Variants in EYS observed in about 807,000 individuals in gnomAD.
EYS encodes protein eyes shut homolog.
A neutral mutation model predicts 282.1 loss-of-function variants in EYS; 250 were observed. The observed-to-expected ratio is 0.89, with a 90% CI of 0.80 to 0.98. EYS has a LOEUF of 0.98. Among genes scored for constraint, EYS ranks in the 50% least tolerant of loss-of-function variants. The probability of loss-of-function intolerance (pLI) is 0.00; values close to 1 mark genes in which losing one functional copy is unlikely to be tolerated. For synonymous variants in EYS, 1,355 were observed against 1,282.9 expected (o/e 1.06, Z -1.20); for missense variants, 4,016 against 3,709.0 (o/e 1.08, Z -2.15).
chr6:65,024,812 G>C (rs889510361), intron 13 of EYS, among the ~76,000 whole-genome samples: 2 of 152,236 alleles, frequency 1.3e-5, no homozygotes, highest in Admixed American at 1.3e-4. Context: ...GCTTCAAAAT[G>C]ATTTTTTTAA....
chr6:65,541,413 TTAGA>T (rs1213791832), intron 2 of EYS, among the ~76,000 whole-genome samples: 2 of 152,206 alleles, frequency 1.3e-5, no homozygotes, highest in East Asian at 1.9e-4. Context: ...TTGTATTTTT[TTAGA>T]AGATTAATTG....
At chr6:64,352,508 C>T (rs760322762) in intron 29 of EYS, among the ~76,000 whole-genome samples, 2 of 151,492 alleles carry the variant, frequency 1.3e-5, no homozygotes, top group Non-Finnish European at 3.0e-5. Flanking sequence ...TCCCCACTAA[C>T]CTATGAAACC....
chr6:64,606,474 C>G (rs1766941616), intron 24 of EYS, among the ~76,000 whole-genome samples: 1 of 151,966 alleles, frequency 6.6e-6, no homozygotes. Context: ...TTACCCATTT[C>G]TCCCTTGGAG....
intron 40 of EYS, among the ~76,000 whole-genome samples, chr6:63,763,279 C>T (rs757736508): frequency 6.6e-6 from 1 of 152,002 alleles, no homozygotes; most frequent in Non-Finnish European, 1.5e-5. Context: ...GAAAGAGACA[C>T]CTTGTCTGGG....
At position 64,879,585 on chromosome 6, in the gene EYS, G is replaced by GAC. The variant is rs201766602; in HGVS notation, c.2992+7110_2992+7111dup. ...TGCGCTAAAAATATTAGGTAAGATA[G>GAC]ACAGTTTTGGGGAACTGAAATGAAA... On this transcript the variant is annotated intron_variant, in intron 19 of 42. Transcript: ENST00000503581. Among the ~76,000 whole-genome samples the GAC allele has an allele frequency of 3.4e-5, 5 of 146,746 alleles. No homozygotes were observed. The East Asian group carries it at 1.3e-3, about 38-fold the overall frequency.
At chr6:64,431,669 G>A (rs1455215886) in intron 28 of EYS, among the ~76,000 whole-genome samples, 1 of 152,006 alleles carries the variant, frequency 6.6e-6, no homozygotes, top group Non-Finnish European at 1.5e-5. Context: ...TATTGCATAC[G>A]ATGTAGTTCA....
chr6:65,558,369 A>G (rs909678106), intron 2 of EYS, among the ~76,000 whole-genome samples: 3 of 152,240 alleles, frequency 2.0e-5, no homozygotes, highest in Non-Finnish European at 4.4e-5. Context: ...CTCGGCCACA[A>G]CTTTGCTCTG....
chr6:63,869,344 C>T (rs1332419815), intron 35 of EYS, among the ~76,000 whole-genome samples: 2 of 152,028 alleles, frequency 1.3e-5, no homozygotes, highest in African/African-American at 2.4e-5. Flanking sequence ...TATAATCTCT[C>T]GCCTTCTCTC....
chr6:63,984,158 C>T (rs996475197), intron 35 of EYS, among the ~76,000 whole-genome samples: 6 of 151,724 alleles, frequency 4.0e-5, no homozygotes, highest in African/African-American at 1.5e-4. Context: ...TACCTAGTTA[C>T]TGTCAGAGTC....
chr6:65,210,871 A>G (rs1401139907), intron 12 of EYS, among the ~76,000 whole-genome samples: 1 of 151,798 alleles, frequency 6.6e-6, no homozygotes, highest in Non-Finnish European at 1.5e-5. Flanking sequence ...TGGCCTCTTG[A>G]CTAGCAAGTC....
intron 33 of EYS, among the ~76,000 whole-genome samples, chr6:64,058,783 T>A (rs755820905): frequency 6.6e-6 from 1 of 152,190 alleles, no homozygotes; most frequent in African/African-American, 2.4e-5. Flanking sequence ...ATACACATTT[T>A]AGAATTAGAA....
At chr6:63,981,526 C>T (rs774975498) in intron 35 of EYS, among the ~76,000 whole-genome samples, 22 of 151,734 alleles carry the variant, frequency 1.4e-4, no homozygotes, top group Admixed American at 4.6e-4. Context: ...AGCTGAGCAC[C>T]GGCAATCAAA....
chr6:65,637,080 ATTAAAGGCTAAGC>A (rs1312817950), intron 2 of EYS, among the ~76,000 whole-genome samples: 3 of 152,220 alleles, frequency 2.0e-5, no homozygotes, highest in Non-Finnish European at 4.4e-5. Flanking sequence ...TGCGTCTAAG[ATTAAAGGCTAAGC>A]TTAAAGGCAT....
At chr6:65,666,432 TCA>T (rs200480043) in intron 1 of EYS, among the ~76,000 whole-genome samples, 1,930 of 151,964 alleles carry the variant, frequency 0.013, 31 homozygotes, top group African/African-American at 0.043. Flanking sequence ...CTCAGTTTTC[TCA>T]GTTTTAAAAT....
At chr6:64,155,139 A>G (rs926640153) in intron 31 of EYS, among the ~76,000 whole-genome samples, 2 of 152,108 alleles carry the variant, frequency 1.3e-5, no homozygotes. Flanking sequence ...GATAAACTTA[A>G]CCTGCTTTAC....
At chr6:63,949,342 G>C (rs1765496043) in intron 35 of EYS, among the ~76,000 whole-genome samples, 1 of 151,894 alleles carries the variant, frequency 6.6e-6, no homozygotes, top group Non-Finnish European at 1.5e-5. Context: ...TAATCTCCTT[G>C]GAATTTCTTA....
intron 22 of EYS, among the ~76,000 whole-genome samples, chr6:64,746,788 C>T (rs1350354553): frequency 6.6e-6 from 1 of 152,194 alleles, no homozygotes; most frequent in Non-Finnish European, 1.5e-5. Flanking sequence ...CACTAATAAT[C>T]CTGATACTCA....
chr6:64,287,100 A>G (rs1175090643), intron 30 of EYS, among the ~76,000 whole-genome samples: 2 of 152,126 alleles, frequency 1.3e-5, no homozygotes, highest in Non-Finnish European at 2.9e-5. Flanking sequence ...CTAAAGCTCA[A>G]TTGTTCATTA....
At chr6:64,932,740 C>T (rs1768767428) in intron 15 of EYS, among the ~76,000 whole-genome samples, 1 of 151,926 alleles carries the variant, frequency 6.6e-6, no homozygotes. Flanking sequence ...ACACAGAGTC[C>T]TTTAGTAAAG....
Sources: allele counts gnomAD v4.1 joint callset (sites outside exome capture counted in the v4.1 genomes callset), GRCh38; gene constraint gnomAD v4.1.1; transcripts MANE v1.5; gene names NCBI Gene and HGNC (gene_info 2026-07-23, HGNC 2026-07-21).